ZNF804B: variants seen among roughly 807,000 people sequenced by gnomAD.
The protein encoded by ZNF804B is zinc finger protein 804B, also known as zinc finger 804B.
A neutral mutation model predicts 101.4 loss-of-function variants in ZNF804B; 80 were observed. The ratio of observed to expected loss-of-function variants is 0.79; its 90% CI spans 0.66 to 0.95. ZNF804B has a LOEUF of 0.95. Ranked by LOEUF, ZNF804B falls within the 40% of genes least tolerant of loss-of-function variation. The pLI, the probability that ZNF804B is intolerant of heterozygous loss-of-function variation, is 0.00. For missense variants in ZNF804B, 1,673 were observed against 1,561.9 expected, an observed-to-expected ratio of 1.07 and a Z score of -1.20; for synonymous variants, 622 against 558.8, an observed-to-expected ratio of 1.11 and a Z score of -1.59.
At chr7:89,076,850 G>C (rs1789621473) in intron 1 of ZNF804B, among the ~76,000 whole-genome samples, 1 of 152,158 alleles carries the variant, frequency 6.6e-6, no homozygotes, top group Non-Finnish European at 1.5e-5. Flanking sequence ...GATGCTGAGA[G>C]AGTCCCTGGG....
At chr7:89,183,671 AAAT>A (rs1478233203) in intron 1 of ZNF804B, among the ~76,000 whole-genome samples, 1 of 152,208 alleles carries the variant, frequency 6.6e-6, no homozygotes, top group Non-Finnish European at 1.5e-5. Context: ...TTTAATTTTC[AAAT>A]AATACCTTCT....
rs778988628 is a variant in ZNF804B, at chr7:89,335,453, G to A, written c.2471G>A (p.Arg824Lys). 1 of 1,613,920 alleles carries A rather than the reference G, an allele frequency of 6.2e-7. No homozygotes were observed. Among genetic ancestry groups the A allele is most frequent in the Non-Finnish European group, 8.5e-7 (1 of 1,179,956 alleles). ...CAATTTTCAGGGCTAAAATCTACGA[G>A]AATCATCTATTGTGATTCTAACTCA... ...QQQFSGLKSTRIIYCDSNSQI... is the reference protein window; with the variant it reads ...QQQFSGLKSTKIIYCDSNSQI... The change falls in exon 4 of 4, where the codon AGA (arginine) becomes AAA (lysine). Residue 824 changes from arginine (R) to lysine (K), a missense_variant. By Grantham distance (26) the Arg-to-Lys change is conservative (BLOSUM62 2). Transcript: ENST00000333190.
chr7:88,798,778 C>T (rs1790531878), intron 1 of ZNF804B, among the ~76,000 whole-genome samples: 2 of 152,120 alleles, frequency 1.3e-5, no homozygotes, highest in African/African-American at 4.8e-5. Context: ...TGTACACTCT[C>T]TGCTCAATGG....
intron 1 of ZNF804B, among the ~76,000 whole-genome samples, chr7:89,033,828 A>G (rs1788879701): frequency 6.6e-6 from 1 of 152,096 alleles, no homozygotes; most frequent in Non-Finnish European, 1.5e-5. Context: ...AAATAGGTGA[A>G]AGGTCTTTCT....
At chr7:88,979,075 C>T (rs551887224) in intron 1 of ZNF804B, among the ~76,000 whole-genome samples, 2 of 151,984 alleles carry the variant, frequency 1.3e-5, no homozygotes, top group African/African-American at 2.4e-5. Flanking sequence ...AAACTTTACA[C>T]TTTAATTTCA....
rs373972384 is a variant in ZNF804B at position 89,326,277 on chromosome 7, T to C, written c.250-1067T>C. ...CTCTCTTTGAAAGACCGATCTGCCT[T>C]CTTCTTCAAATCCTTAGCTTAGATG... On this transcript the variant is annotated intron_variant, in intron 2 of 3. Transcript: ENST00000333190. Among the ~76,000 whole-genome samples the C allele has an allele frequency of 8.2e-4, 125 of 152,154 alleles. No homozygotes were observed. The South Asian group carries it at 0.014, about 18-fold the overall frequency.
chr7:89,206,293 A>G (rs1788713576), intron 1 of ZNF804B, among the ~76,000 whole-genome samples: 1 of 152,264 alleles, frequency 6.6e-6, no homozygotes, highest in Non-Finnish European at 1.5e-5. Context: ...AACATTTTGC[A>G]TCTCATTACT....
chr7:88,933,485 G>C (rs950700379), intron 1 of ZNF804B, among the ~76,000 whole-genome samples: 9 of 151,944 alleles, frequency 5.9e-5, no homozygotes, highest in African/African-American at 2.2e-4. Context: ...AATTTGAAAA[G>C]AGGAAATGAA....
intron 2 of ZNF804B, among the ~76,000 whole-genome samples, chr7:89,316,459 A>G (rs901822231): frequency 6.6e-6 from 1 of 152,026 alleles, no homozygotes; most frequent in African/African-American, 2.4e-5. Context: ...GGGGTCCCCA[A>G]CCCTTGGGCC....
chr7:89,056,436 G>A (rs929632638), intron 1 of ZNF804B, among the ~76,000 whole-genome samples: 1 of 152,100 alleles, frequency 6.6e-6, no homozygotes, highest in Non-Finnish European at 1.5e-5. Context: ...GAGGAAAATA[G>A]ACAGTATGTG....
At chr7:89,159,843 A>G (rs1216683199) in intron 1 of ZNF804B, among the ~76,000 whole-genome samples, 1 of 152,130 alleles carries the variant, frequency 6.6e-6, no homozygotes, top group Non-Finnish European at 1.5e-5. Flanking sequence ...ATGAAGACCA[A>G]TTTAGGGGAT....
intron 1 of ZNF804B, among the ~76,000 whole-genome samples, chr7:88,881,371 T>C (rs1276604681): frequency 6.6e-6 from 1 of 152,128 alleles, no homozygotes; most frequent in Non-Finnish European, 1.5e-5. Flanking sequence ...CTGCAAATTT[T>C]TTCTTCTAGG....
rs893730252 is a variant in ZNF804B, at chr7:89,166,038, T to C, written c.109-52117T>C. On this transcript the variant is annotated intron_variant, in intron 1 of 3. Coordinates refer to ENST00000333190, the MANE Select transcript of ZNF804B (RefSeq NM_181646.5). ...GGCTATTTTCTGTTAAAGAAATAATTTCAGAATGTCACCATATTTTCCACA... is the reference window on the plus strand; with the variant it reads ...GGCTATTTTCTGTTAAAGAAATAATCTCAGAATGTCACCATATTTTCCACA... Among the ~76,000 whole-genome samples, 3 of 152,160 alleles carry C rather than the reference T, an allele frequency of 2.0e-5. 1 individual carries two copies. In the South Asian group the frequency reaches 6.2e-4, roughly 32 times the overall value.
At chr7:88,930,224 TA>T (rs1457709562) in intron 1 of ZNF804B, among the ~76,000 whole-genome samples, 12 of 151,964 alleles carry the variant, frequency 7.9e-5, no homozygotes, top group Non-Finnish European at 1.2e-4. Context: ...AAATCTCCTT[TA>T]AAAACTCAGC....
In ZNF804B at chr7:88,808,163, G is replaced by A. The variant is rs28499297; in HGVS notation, c.108+48079G>A. ...TCCCAGAACTTTAGGAGGCTGAGGC[G>A]GGCGGATCACCTGAGGTCAGGAGTT... On this transcript the variant is annotated intron_variant, in intron 1 of 3. Transcript: ENST00000333190. Among the ~76,000 whole-genome samples the A allele has an allele frequency of 2.1e-3, 326 of 152,014 alleles. 2 individuals carry two copies. The highest frequency in any genetic ancestry group is 7.6e-3 in the African/African-American group (314 of 41,480).
At position 89,025,418 on chromosome 7, in the gene ZNF804B, A is replaced by G. The variant is rs1302691063; in HGVS notation, c.109-192737A>G. 2.0e-5 allele frequency among the ~76,000 whole-genome samples: 3 copies of G among 152,218 alleles called. No homozygotes were observed. In the East Asian group the frequency reaches 5.8e-4, roughly 29 times the overall value. ...TGGAGTCTACCAAGTAATTAAGGCA[A>G]TGTCTCCAAAAATTATACTATTATA... On this transcript the variant is annotated intron_variant, in intron 1 of 3. Transcript: ENST00000333190.
intron 2 of ZNF804B, among the ~76,000 whole-genome samples, chr7:89,303,660 T>G (rs1790517466): frequency 6.6e-6 from 1 of 151,970 alleles, no homozygotes; most frequent in Admixed American, 6.6e-5. Context: ...GCAAAAGTTT[T>G]GGCATTATAT....
intron 2 of ZNF804B, among the ~76,000 whole-genome samples, chr7:89,310,711 A>G (rs1790639409): frequency 6.6e-6 from 1 of 152,206 alleles, no homozygotes; most frequent in Non-Finnish European, 1.5e-5. Context: ...AGCTCTTAAA[A>G]ATCAATAAAA....
rs1173109250 is a variant in ZNF804B, at chr7:88,776,564, T to TG, written c.108+16480_108+16481insG. On this transcript the variant is annotated intron_variant, in intron 1 of 3. Coordinates refer to ENST00000333190, the MANE Select transcript of ZNF804B (RefSeq NM_181646.5). ...TTCTATTTCTCGTGGTGTTTTGTTT[T>TG]TTTTTTTTTTTTTTTTTCAGAGCAA... Among the ~76,000 whole-genome samples, 6 of 142,776 alleles carry TG rather than the reference T, an allele frequency of 4.2e-5. No individual in the cohort carries two copies. The East Asian group carries it at 8.0e-4, about 19-fold the overall frequency. 93.7% of individuals were successfully genotyped at this position (142,776 alleles called of 152,430 possible).
Sources: allele counts gnomAD v4.1 joint callset (sites outside exome capture counted in the v4.1 genomes callset), GRCh38; gene constraint gnomAD v4.1.1; transcripts MANE v1.5; gene names NCBI Gene and HGNC (gene_info 2026-07-23, HGNC 2026-07-21).